Variants in KAT14 observed in about 807,000 individuals in gnomAD.
KAT14 encodes the protein cysteine-rich protein 2-binding protein.
KAT14 carries 66 observed loss-of-function variants against 78.4 expected under a neutral mutation model. That is an observed-to-expected ratio of 0.84 (90% CI 0.69 to 1.03). KAT14 has a LOEUF of 1.03. KAT14 is among the 50% of genes least tolerant of loss of function. KAT14 has a pLI of 0.00. For synonymous variants in KAT14, 344 were observed against 359.4 expected, an observed-to-expected ratio of 0.96 and a Z score of 0.48; for missense variants, 870 against 972.5, an observed-to-expected ratio of 0.89 and a Z score of 1.40.
intron 4 of KAT14, among the ~76,000 whole-genome samples, chr20:18,153,473 G>T (rs1028029815): frequency 6.6e-6 from 1 of 152,130 alleles, no homozygotes; most frequent in African/African-American, 2.4e-5. Context: ...GATAAAATTG[G>T]ATCTTGGAAT....
chr20:18,176,300 C>CAAAAA (rs11484238), intron 7 of KAT14, among the ~76,000 whole-genome samples: 2 of 111,632 alleles, frequency 1.8e-5, no homozygotes, highest in African/African-American at 7.1e-5. Context: ...GACTTCGTCT[C>CAAAAA]AAAAAAAAAA....
intron 2 of KAT14, 106 bp downstream of exon 2, chr20:18,143,025 A>G (rs1261643317): frequency 2.1e-6 from 3 of 1,461,516 alleles, no homozygotes; most frequent in Non-Finnish European, 2.7e-6. Flanking sequence ...ATAAAAGGAT[A>G]ATTATATTTA....
At position 18,187,292 on chromosome 20, in the gene KAT14, A is replaced by G. The variant is rs1181254148; in HGVS notation, c.2179A>G (p.Met727Val). 3 of 1,601,234 alleles carry G rather than the reference A, an allele frequency of 1.9e-6. No homozygotes were observed. Among genetic ancestry groups the G allele is most frequent in the Non-Finnish European group, 2.5e-6 (3 of 1,176,682 alleles). The change falls in exon 11 of 11, where the codon ATG becomes GTG. Residue 727 changes from methionine (M) to valine (V), a missense_variant. Coordinates refer to ENST00000688188, the MANE Select transcript of KAT14 (RefSeq NM_001392073.1). ...TTTTCCACTCTTTTGGCAGACCTGC[A>G]TGGGCAAGGACGTAACCCTTCACGT... is the stretch of plus-strand genomic sequence containing the variant. Reference protein sequence around the residue: ...FMIYHLIQTCMGKDVTLHVSA... With the variant: ...FMIYHLIQTCVGKDVTLHVSA...
At chr20:18,181,592 A>T in intron 7 of KAT14, 118 bp from the exon 8 acceptor site, 1 of 1,453,638 alleles carries the variant, frequency 6.9e-7, no homozygotes, top group Non-Finnish European at 9.3e-7. Flanking sequence ...GATGATCTCG[A>T]TCTTGTGACC....
chr20:18,142,391 C>G lies in KAT14; in HGVS notation c.-270C>G. ...TGAAATATCTGTTGGACAGACAACA[C>G]GAGTTTGTGTGTGTGTGTTGATGGA... On this transcript the variant is annotated 5_prime_UTR_variant, in exon 2 of 11. Transcript: ENST00000688188. 2 of 1,525,022 alleles carry G rather than the reference C, an allele frequency of 1.3e-6. No homozygotes were observed. The highest frequency in any genetic ancestry group is 1.2e-5 in the South Asian group (1 of 82,720). The allele number at this position is 1,525,022 out of a possible 1,614,324, so 94.5% of individuals were successfully genotyped here. A position where few individuals can be genotyped will look rare whatever the true frequency, so the allele number is the denominator to read the frequency against.
At position 18,187,454 on chromosome 20, in the gene KAT14, C is replaced by T. The variant is rs758595385; in HGVS notation, c.2341C>T (p.Arg781Cys). Residue 781 changes from arginine to cysteine, a missense_variant, in exon 11 of 11, where the codon CGC (arginine) becomes TGC (cysteine). Physicochemically the swap from Arg to Cys is radical, Grantham distance 180 (BLOSUM62 -3). Transcript: ENST00000688188. ...ACACGCATTCTTTCTGAGGCTCCGGCGCTGATGCGAATACAGCTCACAGAG... is the reference window on the plus strand; with the variant it reads ...ACACGCATTCTTTCTGAGGCTCCGGTGCTGATGCGAATACAGCTCACAGAG... ...CKHAFFLRLR[R>C] The T allele has an allele frequency of 5.0e-6, 8 of 1,613,914 alleles. No individual in the cohort carries two copies. The highest frequency in any genetic ancestry group is 6.8e-6 in the Non-Finnish European group (8 of 1,179,944).
chr20:18,146,659 C>A (rs533964664), intron 3 of KAT14, among the ~76,000 whole-genome samples: 46 of 150,520 alleles, frequency 3.1e-4, no homozygotes, highest in African/African-American at 1.0e-3. Context: ...AAGTCCATCT[C>A]AAAAAAAACC....
chr20:18,173,425 G>C (rs1458623928), intron 7 of KAT14, among the ~76,000 whole-genome samples: 1 of 152,186 alleles, frequency 6.6e-6, no homozygotes, highest in African/African-American at 2.4e-5. Context: ...AAGAGTTCTT[G>C]ATTTTTCACT....
chr20:18,186,026 G>A (rs2039437337), intron 10 of KAT14, among the ~76,000 whole-genome samples: 2 of 152,226 alleles, frequency 1.3e-5, no homozygotes, highest in Admixed American at 6.5e-5. Context: ...CTCAGTATGC[G>A]TCTTTTTAAC....
Position 18,183,244 on chromosome 20 carries a change from C to A in KAT14, c.1927C>A (p.Arg643=), listed in dbSNP as rs771055078. 5.0e-6 allele frequency: 8 copies of A among 1,613,936 alleles called. No individual in the cohort carries two copies. The South Asian group carries it at 7.7e-5, about 16-fold the overall frequency. The change falls in exon 9 of 11, where the codon CGG becomes AGG. Residue 643 remains arginine, a synonymous_variant. Coordinates refer to ENST00000688188, the MANE Select transcript of KAT14 (RefSeq NM_001392073.1). The part of the protein sequence containing the change: ...PDAPLDYCYV[R]PNHIPTINSM... ...CGCACCTCTCGATTACTGTTATGTGCGGCCAAATCACATCCCAACGATCAA... is the reference window on the plus strand; with the variant it reads ...CGCACCTCTCGATTACTGTTATGTGAGGCCAAATCACATCCCAACGATCAA...
At chr20:18,137,826 G>A (rs1188554452), upstream of KAT14, 20 of 980,610 alleles carry the variant, frequency 2.0e-5, no homozygotes, top group South Asian at 4.6e-5. Context: ...GCGGCGAGCG[G>A]CGCACGCGAC....
At chr20:18,177,069 A>G (rs922246819) in intron 7 of KAT14, among the ~76,000 whole-genome samples, 1 of 152,210 alleles carries the variant, frequency 6.6e-6, no homozygotes, top group Non-Finnish European at 1.5e-5. Flanking sequence ...CTGGTGTTAC[A>G]GTTATCTGTT....
rs200196594 is a variant in KAT14, at chr20:18,145,195, A to G, written c.260-38A>G. ...TAAACCTTTAGGTTACCGCTGCTCT[A>G]GATAAACCCATGATGTGACTTTTTG... On this transcript the variant is annotated intron_variant, in intron 2 of 10. Transcript: ENST00000688188. The G allele has an allele frequency of 4.0e-5, 64 of 1,610,196 alleles. 1 individual carries two copies. The East Asian group carries it at 7.6e-4, about 19-fold the overall frequency.
chr20:18,148,499 C>T (rs2037909225), intron 3 of KAT14, among the ~76,000 whole-genome samples: 1 of 152,168 alleles, frequency 6.6e-6, no homozygotes, highest in Admixed American at 6.5e-5. Context: ...TGAGTACCTG[C>T]CAGCTCTGAG....
chr20:18,177,348 T>C (rs1045211389), intron 7 of KAT14, among the ~76,000 whole-genome samples: 24 of 152,324 alleles, frequency 1.6e-4, no homozygotes, highest in African/African-American at 5.1e-4. Flanking sequence ...AGCCACCAGT[T>C]GTCTTAAGAC....
chr20:18,161,496 CATG>C (rs531256704), intron 5 of KAT14, among the ~76,000 whole-genome samples: 1 of 152,192 alleles, frequency 6.6e-6, no homozygotes, highest in African/African-American at 2.4e-5. Context: ...CTTTATTGAA[CATG>C]ATATTACTCA....
intron 7 of KAT14, among the ~76,000 whole-genome samples, chr20:18,172,204 C>T (rs960588292): frequency 6.6e-6 from 1 of 151,228 alleles, no homozygotes; most frequent in Non-Finnish European, 1.5e-5. Flanking sequence ...TGGGTTCAAG[C>T]GATTCTTCTG....
intron 10 of KAT14, among the ~76,000 whole-genome samples, chr20:18,187,076 A>G (rs536288766): frequency 1.3e-5 from 2 of 152,324 alleles, no homozygotes; most frequent in Admixed American, 6.5e-5. Flanking sequence ...CCAGAATACT[A>G]TCAGTTTCCT....
At chr20:18,179,788 G>C (rs1481803323) in intron 7 of KAT14, among the ~76,000 whole-genome samples, 1 of 152,172 alleles carries the variant, frequency 6.6e-6, no homozygotes, top group African/African-American at 2.4e-5. Flanking sequence ...CTACTGCATT[G>C]TCAGGCTGCA....
Sources: allele counts gnomAD v4.1 joint callset (sites outside exome capture counted in the v4.1 genomes callset), GRCh38; gene constraint gnomAD v4.1.1; transcripts MANE v1.5; gene names NCBI Gene and HGNC (gene_info 2026-07-23, HGNC 2026-07-21).